The following NFAT5 variants were observed in gnomAD, a reference collection of about 807,000 sequenced individuals.
NFAT5 encodes the protein nuclear factor of activated T-cells 5.
A neutral mutation model predicts 166.5 loss-of-function variants in NFAT5; 31 were observed. The ratio of observed to expected loss-of-function variants is 0.19; its 90% CI spans 0.14 to 0.25. The LOEUF (loss-of-function observed/expected upper bound fraction) is 0.25. Ranked by LOEUF, NFAT5 falls within the 10% of genes least tolerant of loss-of-function variation. NFAT5 has a pLI of 1.00. For missense variants in NFAT5, 1,449 were observed against 1,821.8 expected (o/e 0.80, Z 3.72); for synonymous variants, 612 against 639.7 (o/e 0.96, Z 0.65).
At chr16:69,661,380 TAAAA>T (rs775926746) in intron 7 of NFAT5, among the ~76,000 whole-genome samples, 1 of 121,928 alleles carries the variant, frequency 8.2e-6, no homozygotes, top group Admixed American at 8.4e-5. Flanking sequence ...TTACAAAAAT[TAAAA>T]AAAAAAAAAA....
chr16:69,661,024 G>C (rs1002976205), intron 7 of NFAT5, among the ~76,000 whole-genome samples: 1 of 150,492 alleles, frequency 6.6e-6, no homozygotes, highest in African/African-American at 2.4e-5. Context: ...TGGCCAGGCT[G>C]GTCTTGAACT....
Position 69,645,987 on chromosome 16 carries a change from G to A in NFAT5, c.254-1041G>A, listed in dbSNP as rs569151593. 2.6e-5 allele frequency among the ~76,000 whole-genome samples: 4 copies of A among 152,244 alleles called. No homozygotes were observed. In the South Asian group the frequency reaches 8.3e-4, roughly 32 times the overall value. ...TCTTGCTAGGCATAACAGATAAATA[G>A]TTTTATAAAAAATATTAATTCTGAT... On this transcript the variant is annotated intron_variant, in intron 3 of 14. Transcript: ENST00000349945.
chr16:69,677,518 T>A (rs573032124), intron 10 of NFAT5, among the ~76,000 whole-genome samples, 183 bp downstream of exon 10: 1 of 152,212 alleles, frequency 6.6e-6, no homozygotes, highest in Non-Finnish European at 1.5e-5. Flanking sequence ...TTTACTCTTA[T>A]ATTAAGGAAT....
At chr16:69,662,604 C>T (rs1443295107) in intron 7 of NFAT5, among the ~76,000 whole-genome samples, 9 of 151,912 alleles carry the variant, frequency 5.9e-5, no homozygotes, top group African/African-American at 1.9e-4. Context: ...GGACTACAGG[C>T]ACCCGCCACC....
intron 9 of NFAT5, among the ~76,000 whole-genome samples, chr16:69,671,279 C>A (rs1210770336): frequency 6.6e-6 from 1 of 152,186 alleles, no homozygotes; most frequent in Non-Finnish European, 1.5e-5. Flanking sequence ...TTCCTACTGT[C>A]CCCTTGGATT....
chr16:69,640,152 T>A (rs2035140926), intron 3 of NFAT5, among the ~76,000 whole-genome samples: 1 of 152,176 alleles, frequency 6.6e-6, no homozygotes, highest in African/African-American at 2.4e-5. Context: ...AGCTTCGCCA[T>A]TCAGAGACAG....
In NFAT5 at chr16:69,635,203, GT is replaced by G. The variant is rs555105206; in HGVS notation, c.253+8678del. Among the ~76,000 whole-genome samples the G allele has an allele frequency of 2.6e-4, 39 of 151,666 alleles. No individual in the cohort carries two copies. In the South Asian group the frequency reaches 7.9e-3, roughly 31 times the overall value. ...TTCTTGTATTTTTAGTAGAGACAGG[GT>G]TTCACCACGTTGGCCAGGCTGGTCT... On this transcript the variant is annotated intron_variant, in intron 3 of 14. Transcript: ENST00000349945.
chr16:69,659,964 G>C, intron 7 of NFAT5, 65 bp downstream of exon 7: 2 of 1,334,840 alleles, frequency 1.5e-6, no homozygotes, highest in Non-Finnish European at 2.0e-6. Flanking sequence ...TAATCTTTTA[G>C]ACATCTCTAA....
intron 4 of NFAT5, among the ~76,000 whole-genome samples, chr16:69,651,870 C>A (rs1040491671): frequency 6.6e-6 from 1 of 151,856 alleles, no homozygotes; most frequent in Non-Finnish European, 1.5e-5. Flanking sequence ...CGGGGTTTCA[C>A]CATGTTGGCC....
intron 2 of NFAT5, among the ~76,000 whole-genome samples, chr16:69,601,361 C>T (rs1005007645): frequency 6.6e-6 from 1 of 152,104 alleles, no homozygotes; most frequent in African/African-American, 2.4e-5. Flanking sequence ...CAAAGTATTA[C>T]GTGGTAATTT....
intron 2 of NFAT5, among the ~76,000 whole-genome samples, chr16:69,596,104 C>A (rs2032773799): frequency 6.6e-6 from 1 of 152,046 alleles, no homozygotes; most frequent in Admixed American, 6.5e-5. Flanking sequence ...GAAAGCAAAA[C>A]CATGGATAAG....
At chr16:69,676,218 A>G (rs2036827581) in intron 9 of NFAT5, among the ~76,000 whole-genome samples, 1 of 152,194 alleles carries the variant, frequency 6.6e-6, no homozygotes, top group African/African-American at 2.4e-5. Flanking sequence ...ATAATCTACT[A>G]GGGAAGAAGA....
At chr16:69,604,203 T>TGC (rs1189435719) in intron 2 of NFAT5, among the ~76,000 whole-genome samples, 1 of 152,206 alleles carries the variant, frequency 6.6e-6, no homozygotes, top group African/African-American at 2.4e-5. Flanking sequence ...CAGGACAACG[T>TGC]GCACACACAC....
chr16:69,670,183 A>G (rs1011159855), intron 8 of NFAT5, 53 bp from the exon 9 acceptor site: 1 of 1,570,898 alleles, frequency 6.4e-7, no homozygotes, highest in Non-Finnish European at 8.6e-7. Context: ...TCATAGCTAC[A>G]GAGTAAAAAA....
intron 2 of NFAT5, among the ~76,000 whole-genome samples, chr16:69,601,767 A>G (rs959970140): frequency 6.6e-6 from 1 of 152,234 alleles, no homozygotes; most frequent in African/African-American, 2.4e-5. Context: ...AAGTCATTGT[A>G]ATGAACATAG....
At chr16:69,598,380 TA>T (rs374912279) in intron 2 of NFAT5, among the ~76,000 whole-genome samples, 1,631 of 118,974 alleles carry the variant, frequency 0.014, 8 homozygotes, top group Non-Finnish European at 0.016. Flanking sequence ...CCTGTCTCTT[TA>T]AAAAAAAAAA....
At chr16:69,632,138 A>G (rs1420973391) in intron 3 of NFAT5, 3 of 152,164 alleles carry the variant, frequency 2.0e-5, no homozygotes, top group Non-Finnish European at 2.9e-5. Flanking sequence ...TCTCCTAATC[A>G]CCTGAATTAA....
chr16:69,590,063 A>G (rs937615621), intron 2 of NFAT5, among the ~76,000 whole-genome samples: 1 of 152,192 alleles, frequency 6.6e-6, no homozygotes, highest in African/African-American at 2.4e-5. Flanking sequence ...AGTCTTAGCT[A>G]CTTAGGAGAC....
At chr16:69,677,034 G>T (rs1298965119) in intron 9 of NFAT5, 169 bp from the exon 10 acceptor site, 1 of 584,364 alleles carries the variant, frequency 1.7e-6, no homozygotes, top group Non-Finnish European at 2.8e-6. Context: ...TACCTTAAAA[G>T]CAGTGTTAAG....
Sources: gnomAD v4.1 joint callset for allele counts (sites outside exome capture counted in the v4.1 genomes callset) on GRCh38, gnomAD v4.1.1 for gene constraint, MANE v1.5 for transcripts, NCBI Gene and HGNC (gene_info 2026-07-23, HGNC 2026-07-21) for gene names.